The following SBF2 variants were observed in gnomAD, a reference collection of about 807,000 sequenced individuals.
The protein encoded by SBF2 is myotubularin-related protein 13.
SBF2 carries 112 observed loss-of-function variants against 225.2 expected under a neutral mutation model. That is an observed-to-expected ratio of 0.50 (90% CI 0.43 to 0.58). SBF2 has a LOEUF of 0.58. Ranked by LOEUF, SBF2 falls within the 20% of genes least tolerant of loss-of-function variation. The pLI is 0.00. For synonymous variants in SBF2, 763 were observed against 773.3 expected (o/e 0.99, Z 0.22); for missense variants, 1,996 against 2,206.2 (o/e 0.90, Z 1.91).
At chr11:10,125,812 T>G (rs1953722666) in intron 2 of SBF2, among the ~76,000 whole-genome samples, 1 of 152,258 alleles carries the variant, frequency 6.6e-6, no homozygotes, top group African/African-American at 2.4e-5. Context: ...TCTGTGATAA[T>G]TTCTCAGTCT....
intron 17 of SBF2, among the ~76,000 whole-genome samples, chr11:9,886,261 T>C (rs548089633): frequency 4.6e-5 from 7 of 152,370 alleles, no homozygotes; most frequent in Admixed American, 4.6e-4. Flanking sequence ...TATTCCAAAG[T>C]AGAAATTCTG....
intron 1 of SBF2, among the ~76,000 whole-genome samples, chr11:10,250,684 A>T (rs1480214762): frequency 6.6e-6 from 1 of 152,196 alleles, no homozygotes; most frequent in Non-Finnish European, 1.5e-5. Context: ...TTCACCAGGT[A>T]AAGAAAGTTT....
intron 22 of SBF2, among the ~76,000 whole-genome samples, chr11:9,849,043 T>A (rs1218368087): frequency 6.6e-6 from 1 of 152,250 alleles, no homozygotes; most frequent in African/African-American, 2.4e-5. Flanking sequence ...AGAAAGGCAC[T>A]TTCGTGACCA....
At chr11:9,785,496 C>A (rs964242084) in intron 36 of SBF2, 178 bp from the exon 37 acceptor site, 26 of 630,270 alleles carry the variant, frequency 4.1e-5, no homozygotes, top group African/African-American at 3.7e-4. Context: ...ACAACCTACA[C>A]GTCCATTATT....
chr11:9,845,799 C>G, intron 23 of SBF2, 59 bp from the exon 24 acceptor site: 1 of 1,508,826 alleles, frequency 6.6e-7, no homozygotes, highest in East Asian at 2.3e-5. Context: ...GCAACTTTCC[C>G]CCAAACAACA....
At chr11:10,222,399 C>T (rs1958371740) in intron 1 of SBF2, among the ~76,000 whole-genome samples, 1 of 152,046 alleles carries the variant, frequency 6.6e-6, no homozygotes. Context: ...AAAAATACAA[C>T]ACAACAAGTT....
intron 13 of SBF2, among the ~76,000 whole-genome samples, chr11:9,981,976 A>T (rs958959626): frequency 6.6e-6 from 1 of 152,224 alleles, no homozygotes; most frequent in Non-Finnish European, 1.5e-5. Flanking sequence ...AGAAATAAGG[A>T]ACACTCATTA....
chr11:10,210,523 G>T (rs1957900258), intron 1 of SBF2, among the ~76,000 whole-genome samples: 1 of 152,068 alleles, frequency 6.6e-6, no homozygotes, highest in South Asian at 2.1e-4. Context: ...CAATTGCCCT[G>T]CTAAAACACA....
intron 16 of SBF2, among the ~76,000 whole-genome samples, chr11:9,934,370 C>T (rs1416016057): frequency 6.6e-6 from 1 of 152,134 alleles, no homozygotes; most frequent in African/African-American, 2.4e-5. Flanking sequence ...CGAATTCTAC[C>T]AGAGGTACAA....
intron 16 of SBF2, among the ~76,000 whole-genome samples, chr11:9,900,270 G>T (rs1220780231): frequency 6.6e-6 from 1 of 152,132 alleles, no homozygotes; most frequent in Admixed American, 6.6e-5. Context: ...CAATATGTCA[G>T]TATGTTCAAT....
intron 3 of SBF2, among the ~76,000 whole-genome samples, chr11:10,031,536 T>C (rs1360275308): frequency 6.6e-6 from 1 of 152,210 alleles, no homozygotes; most frequent in Non-Finnish European, 1.5e-5. Context: ...TAAAAAATGA[T>C]ATTTAAATGA....
chr11:10,077,559 G>A (rs963904822), intron 2 of SBF2, among the ~76,000 whole-genome samples: 3 of 152,134 alleles, frequency 2.0e-5, no homozygotes, highest in East Asian at 1.9e-4. Context: ...TTTAATAAAC[G>A]GTGTTGGGAA....
chr11:10,111,778 G>A (rs768662168), intron 2 of SBF2, among the ~76,000 whole-genome samples: 7 of 152,230 alleles, frequency 4.6e-5, no homozygotes, highest in Non-Finnish European at 8.8e-5. Flanking sequence ...TCAGGAGGCT[G>A]AGACAGGAGA....
chr11:10,174,384 C>T (rs1337423059), intron 2 of SBF2, among the ~76,000 whole-genome samples: 3 of 152,014 alleles, frequency 2.0e-5, no homozygotes, highest in Non-Finnish European at 2.9e-5. Flanking sequence ...CAGGAGCTGA[C>T]GCGATCAACT....
intron 1 of SBF2, among the ~76,000 whole-genome samples, chr11:10,227,162 T>C (rs1032440856): frequency 2.2e-4 from 34 of 152,320 alleles, no homozygotes; most frequent in African/African-American, 7.7e-4. Context: ...GCCCGCTTTT[T>C]GATGGGGTTG....
chr11:10,092,868 C>A (rs538245249), intron 2 of SBF2, among the ~76,000 whole-genome samples: 1 of 151,920 alleles, frequency 6.6e-6, no homozygotes, highest in African/African-American at 2.4e-5. Flanking sequence ...AAGATTATAC[C>A]CTAGAACGAG....
At chr11:10,273,189 TTC>T (rs1962674987) in intron 1 of SBF2, among the ~76,000 whole-genome samples, 3 of 152,258 alleles carry the variant, frequency 2.0e-5, no homozygotes, top group Non-Finnish European at 2.9e-5. Flanking sequence ...TAACTAATTA[TTC>T]TGTTTAATTA....
intron 28 of SBF2, chr11:9,828,197 A>T: frequency 1.6e-6 from 2 of 1,289,696 alleles, no homozygotes; most frequent in Non-Finnish European, 2.0e-6. Flanking sequence ...CACAGTGGAC[A>T]TTCTTGAAGT....
chr11:9,864,135 C>T lies in SBF2; in HGVS notation c.1930-5739G>A, dbSNP rs1229356526. ...TATGCTCATTAGTTAGTGGGATTTA[C>T]AGAATAGTGAGTAATCCATTTAGTT... is the stretch of plus-strand genomic sequence containing the variant. On this transcript the variant is annotated intron_variant, in intron 17 of 39. Transcript: ENST00000256190. Among the ~76,000 whole-genome samples, 12 of 152,264 alleles carry T rather than the reference C, an allele frequency of 7.9e-5. No homozygotes were observed. In the East Asian group the frequency reaches 2.3e-3, roughly 29 times the overall value.
Sources: gnomAD v4.1 joint callset for allele counts (sites outside exome capture counted in the v4.1 genomes callset) on GRCh38, gnomAD v4.1.1 for gene constraint, MANE v1.5 for transcripts, NCBI Gene and HGNC (gene_info 2026-07-23, HGNC 2026-07-21) for gene names.